Variants in EPHA6 observed in about 807,000 individuals in gnomAD.
EPHA6 encodes the protein EPH receptor A6, also known as ephrin type-A receptor 6.
Under a neutral mutation model 112.0 loss-of-function variants are expected in EPHA6, and 50 were observed. The observed-to-expected ratio is 0.45, with a 90% CI of 0.36 to 0.56. EPHA6 has a LOEUF of 0.56. EPHA6 is among the 20% of genes least tolerant of loss of function. The probability of loss-of-function intolerance (pLI) is 0.00; values close to 1 mark genes in which losing one functional copy is unlikely to be tolerated. For missense variants in EPHA6, 1,280 were observed against 1,417.4 expected, an observed-to-expected ratio of 0.90 and a Z score of 1.56; for synonymous variants, 529 against 490.7, an observed-to-expected ratio of 1.08 and a Z score of -1.03.
At chr3:96,852,536 C>T (rs1276735983) in intron 1 of EPHA6, among the ~76,000 whole-genome samples, 1 of 150,254 alleles carries the variant, frequency 6.7e-6, no homozygotes, top group Non-Finnish European at 1.5e-5. Flanking sequence ...TAGGTGTTCT[C>T]AGTTACCTTG....
Position 97,149,828 on chromosome 3 carries a change from G to A in EPHA6, c.1115-76436G>A, listed in dbSNP as rs115913693. On this transcript the variant is annotated intron_variant, in intron 3 of 17. Transcript: ENST00000389672. ...ATATGATATGCCTAATTTTTAAAGA[G>A]TATGTATTATAATGTATTATAATAC... Among the ~76,000 whole-genome samples the A allele has an allele frequency of 4.9e-3, 737 of 149,756 alleles. 5 individuals are homozygous for A. The highest frequency in any genetic ancestry group is 0.016 in the African/African-American group (652 of 40,894).
chr3:97,629,839 T>C (rs1451690149), intron 13 of EPHA6, among the ~76,000 whole-genome samples: 1 of 152,018 alleles, frequency 6.6e-6, no homozygotes. Flanking sequence ...ATTATTCTGA[T>C]ATGCTCTAAT....
intron 14 of EPHA6, among the ~76,000 whole-genome samples, chr3:97,649,342 T>G (rs2094090870): frequency 6.6e-6 from 1 of 152,020 alleles, no homozygotes; most frequent in Non-Finnish European, 1.5e-5. Flanking sequence ...ATGATTCAAT[T>G]ATCTCCACCT....
At chr3:97,730,573 C>T (rs758180583) in intron 15 of EPHA6, among the ~76,000 whole-genome samples, 11 of 152,072 alleles carry the variant, frequency 7.2e-5, no homozygotes, top group Non-Finnish European at 1.5e-4. Flanking sequence ...ATCACCCCTT[C>T]GTATCCTAAG....
At chr3:97,399,808 T>C (rs905150651) in intron 5 of EPHA6, among the ~76,000 whole-genome samples, 2 of 151,672 alleles carry the variant, frequency 1.3e-5, no homozygotes, top group Non-Finnish European at 3.0e-5. Flanking sequence ...TTGAGTGGTT[T>C]GAGTTCCATG....
At chr3:97,329,854 G>T (rs2082693318) in intron 5 of EPHA6, among the ~76,000 whole-genome samples, 1 of 151,878 alleles carries the variant, frequency 6.6e-6, no homozygotes, top group Non-Finnish European at 1.5e-5. Context: ...GGCTTTTGTT[G>T]CCATTGCTTT....
In EPHA6 at chr3:97,758,975, G is replaced by A. The variant is rs1253410533; in HGVS notation, c.*10274G>A. 6.6e-6 allele frequency among the ~76,000 whole-genome samples: 1 copy of A among 151,960 alleles called. No individual in the cohort carries two copies. Among genetic ancestry groups the A allele is most frequent in the Non-Finnish European group, 1.5e-5 (1 of 67,880 alleles). ...GGTGGATTCACTACTTCAAGATTTG[G>A]AAGGCATCAGTATATATATGCTATT... On this transcript the variant is annotated 3_prime_UTR_variant, in exon 18 of 18. Transcript: ENST00000389672.
intron 3 of EPHA6, among the ~76,000 whole-genome samples, chr3:97,030,214 G>T (rs1298601314): frequency 6.6e-6 from 1 of 152,066 alleles, no homozygotes; most frequent in African/African-American, 2.4e-5. Flanking sequence ...TCACCAAATT[G>T]TGCCAAGTTG....
intron 5 of EPHA6, among the ~76,000 whole-genome samples, chr3:97,267,303 C>T (rs1201582277): frequency 6.6e-6 from 1 of 152,022 alleles, no homozygotes; most frequent in Non-Finnish European, 1.5e-5. Context: ...AACACAGATG[C>T]ATCGGTCCTT....
chr3:97,177,914 A>G (rs559815215), intron 3 of EPHA6, among the ~76,000 whole-genome samples: 3 of 152,002 alleles, frequency 2.0e-5, no homozygotes, highest in African/African-American at 7.2e-5. Context: ...GCCAGTCTGC[A>G]TCTTTTGTTT....
intron 3 of EPHA6, among the ~76,000 whole-genome samples, chr3:97,004,706 G>T (rs527626506): frequency 6.6e-6 from 1 of 152,240 alleles, no homozygotes; most frequent in East Asian, 1.9e-4. Flanking sequence ...TTGTCATGAA[G>T]TCTTTGCCCA....
At chr3:96,962,346 A>G (rs1330070725) in intron 2 of EPHA6, among the ~76,000 whole-genome samples, 1 of 151,774 alleles carries the variant, frequency 6.6e-6, no homozygotes, top group Non-Finnish European at 1.5e-5. Flanking sequence ...ATGTAACATG[A>G]TAAGAATTGT....
rs1345605199 is a variant in EPHA6, at chr3:97,092,524, G to A, written c.1114+104531G>A. ...TTGAGGTTTGTTTCTTTCAATGAAT[G>A]TGGAAGACAAAAGTATATCTATAAA... On this transcript the variant is annotated intron_variant, in intron 3 of 17. Coordinates refer to ENST00000389672, the MANE Select transcript of EPHA6 (RefSeq NM_001080448.3). Among the ~76,000 whole-genome samples, 109 of 152,016 alleles carry A rather than the reference G, an allele frequency of 7.2e-4. 1 individual carries two copies. Among genetic ancestry groups the A allele is most frequent in the East Asian group, 1.9e-4 (1 of 5,162 alleles).
chr3:97,070,018 C>A (rs566181622), intron 3 of EPHA6, among the ~76,000 whole-genome samples: 2 of 152,178 alleles, frequency 1.3e-5, no homozygotes, highest in African/African-American at 4.8e-5. Flanking sequence ...GAAGCTCTGC[C>A]ATAGATGCGG....
chr3:97,564,430 G>T (rs928111751), intron 11 of EPHA6, among the ~76,000 whole-genome samples: 2 of 152,042 alleles, frequency 1.3e-5, no homozygotes, highest in African/African-American at 4.8e-5. Flanking sequence ...AAAATATGTT[G>T]TATTGTTGAT....
At chr3:96,852,809 G>A (rs899959219) in intron 1 of EPHA6, among the ~76,000 whole-genome samples, 11 of 152,030 alleles carry the variant, frequency 7.2e-5, no homozygotes, top group African/African-American at 2.7e-4. Context: ...TTCCTCACCT[G>A]GGATTGGGAC....
At chr3:97,732,035 G>A (rs980977480) in intron 15 of EPHA6, among the ~76,000 whole-genome samples, 2 of 151,846 alleles carry the variant, frequency 1.3e-5, no homozygotes, top group African/African-American at 4.8e-5. Flanking sequence ...TGCACTCTCC[G>A]CACTGCAGCC....
At chr3:96,897,063 T>C (rs1458495963) in intron 2 of EPHA6, among the ~76,000 whole-genome samples, 1 of 147,444 alleles carries the variant, frequency 6.8e-6, no homozygotes, top group Non-Finnish European at 1.5e-5. Flanking sequence ...TTAAGGACTC[T>C]ATACATGCTA....
At chr3:97,220,541 AGC>A (rs2078164152) in intron 3 of EPHA6, among the ~76,000 whole-genome samples, 1 of 152,198 alleles carries the variant, frequency 6.6e-6, no homozygotes, top group Non-Finnish European at 1.5e-5. Context: ...GCAAAGGGGA[AGC>A]AAGGGACCTT....
Sources: gnomAD v4.1 joint callset for allele counts (sites outside exome capture counted in the v4.1 genomes callset) on GRCh38, gnomAD v4.1.1 for gene constraint, MANE v1.5 for transcripts, NCBI Gene and HGNC (gene_info 2026-07-23, HGNC 2026-07-21) for gene names.